MTCL1: variants seen among roughly 807,000 people sequenced by gnomAD.
MTCL1 encodes the protein microtubule crosslinking factor 1, also known as microtubule cross-linking factor 1.
Under a neutral mutation model 141.4 loss-of-function variants are expected in MTCL1, and 79 were observed. The observed-to-expected ratio is 0.56, with a 90% CI of 0.47 to 0.67. The LOEUF is 0.67. MTCL1 is among the 30% of genes least tolerant of loss of function. MTCL1 has a pLI of 0.00. For synonymous variants in MTCL1, 914 were observed against 875.8 expected (o/e 1.04, Z -0.77); for missense variants, 2,177 against 2,113.9 (o/e 1.03, Z -0.59).
chr18:8,830,798 G>T lies in MTCL1; in HGVS notation c.*19-809G>T. On this transcript the variant is annotated intron_variant, in intron 16 of 16. Coordinates refer to ENST00000359865, the Ensembl canonical transcript of MTCL1. This position sits in a 1 kb window ranked among gnomAD's most constrained non-coding sequence, Gnocchi z 6.4. ...AGCAAATTCCAAATTTGGGTGTCCT[G>T]GTTTTGTAACATGTAAGGACAAGGA... The T allele has an allele frequency of 1.0e-6, 1 of 985,326 alleles. No homozygotes were observed. Among genetic ancestry groups the T allele is most frequent in the Non-Finnish European group, 1.2e-6 (1 of 829,922 alleles). The allele number at this position is 985,326 out of a possible 1,614,324, so 61.0% of individuals were successfully genotyped here. A position where few individuals can be genotyped will look rare whatever the true frequency, so the allele number is the denominator to read the frequency against.
chr18:8,812,979 C>A, exon 12 of MTCL1: 1 of 1,607,690 alleles, frequency 6.2e-7, no homozygotes, highest in Admixed American at 1.7e-5. Flanking sequence ...TCCTTGACAG[C>A]TGGAAGAGAA....
At chr18:8,772,631 A>G (rs1475017915) in intron 4 of MTCL1, among the ~76,000 whole-genome samples, 2 of 150,724 alleles carry the variant, frequency 1.3e-5, no homozygotes, top group Admixed American at 6.6e-5. Flanking sequence ...AGTATTTAAT[A>G]TGTATGTTAA....
In MTCL1 at chr18:8,705,999, G is replaced by A. The variant is rs948015725; in HGVS notation, c.339G>A (p.Pro113=). Residue 113 remains proline, a synonymous_variant, in exon 1 of 14, where the codon CCG becomes CCA. Transcript: ENST00000306329. The surrounding 1 kb of genome is among the most constrained non-coding windows in gnomAD (Gnocchi z 5.2). ...CGGGCGCGAAGGACAAGCCCCCGCC[G>A]GGCGCCGGGGCCAGAGCGGCGGGCG... 1.2e-4 allele frequency: 135 copies of A among 1,152,560 alleles called. No individual in the cohort carries two copies. The Middle Eastern group carries it at 1.8e-3, about 15-fold the overall frequency. 71.4% of individuals were successfully genotyped at this position (1,152,560 alleles called of 1,614,324 possible).
intron 4 of MTCL1, among the ~76,000 whole-genome samples, chr18:8,729,568 G>C (rs2096239378): frequency 6.6e-6 from 1 of 151,270 alleles, no homozygotes. Flanking sequence ...GCACCCAGCT[G>C]ACTGTAGAAA....
intron 4 of MTCL1, among the ~76,000 whole-genome samples, chr18:8,774,983 A>G (rs1053252861): frequency 3.3e-5 from 5 of 152,248 alleles, no homozygotes; most frequent in African/African-American, 1.2e-4. Context: ...AGGGGTGGCT[A>G]GAAGAGTCCA....
chr18:8,782,089 A>G (rs866651763), intron 5 of MTCL1: 1 of 152,346 alleles, frequency 6.6e-6, no homozygotes, highest in Non-Finnish European at 1.5e-5. Flanking sequence ...CTTTCTGCCA[A>G]ATGATGAGTG....
intron 4 of MTCL1, among the ~76,000 whole-genome samples, chr18:8,746,098 A>G (rs1297119033): frequency 1.3e-5 from 2 of 152,192 alleles, no homozygotes; most frequent in Non-Finnish European, 2.9e-5. Context: ...AGGCTAAATA[A>G]TATTCTATGG....
intron 4 of MTCL1, among the ~76,000 whole-genome samples, chr18:8,737,096 A>G (rs765738044): frequency 5.3e-5 from 8 of 152,166 alleles, no homozygotes; most frequent in Non-Finnish European, 7.4e-5. Context: ...CAGTGTTCCT[A>G]TGAGCTGCAC....
intron 1 of MTCL1, among the ~76,000 whole-genome samples, chr18:8,708,739 C>T (rs1354137731): frequency 6.6e-6 from 1 of 152,236 alleles, no homozygotes; most frequent in Non-Finnish European, 1.5e-5. Context: ...ATGCCCGTCT[C>T]TCCACTAGCC....
At chr18:8,716,372 G>T (rs970225212), upstream of MTCL1, among the ~76,000 whole-genome samples, 1 of 152,126 alleles carries the variant, frequency 6.6e-6, no homozygotes, top group Non-Finnish European at 1.5e-5. Flanking sequence ...CTACATGCTG[G>T]ATTGGGGGAT....
At position 8,721,742 on chromosome 18, in the gene MTCL1, C is replaced by G. The variant is rs539076329; in HGVS notation, c.357+1246C>G. ...TGGGACATTATTTGTCTATTGTCAC[C>G]GCTCATCTGACAATGCTGTGTGTTT... is the stretch of plus-strand genomic sequence containing the variant. On this transcript the variant is annotated intron_variant, in intron 4 of 16. Transcript: ENST00000359865. 2.6e-3 allele frequency among the ~76,000 whole-genome samples: 402 copies of G among 152,316 alleles called. 4 individuals are homozygous for G. The highest frequency in any genetic ancestry group is 9.4e-3 in the African/African-American group (392 of 41,564).
rs549034562 is a variant in MTCL1, at chr18:8,807,080, C to T, written c.2604+20C>T. On this transcript the variant is annotated intron_variant, in intron 11 of 16. Transcript: ENST00000359865. ...GAACAGGTACCACCCTCCCAGGTCT[C>T]CCTCGATCCTGACTGTGTGTCTCTG... The T allele has an allele frequency of 6.7e-5, 108 of 1,604,106 alleles. No homozygotes were observed. The South Asian group carries it at 1.2e-3, about 17-fold the overall frequency.
At position 8,828,887 on chromosome 18, in the gene MTCL1, TTCTC is replaced by T. The variant is rs767473934; in HGVS notation, c.4723-19_4723-16del. On this transcript the variant is annotated splice_polypyrimidine_tract_variant and intron_variant, in intron 15 of 16. Coordinates refer to ENST00000359865, the Ensembl canonical transcript of MTCL1. The surrounding 1 kb of genome is among the most constrained non-coding windows in gnomAD (Gnocchi z 5.2). ...TCCAACCTTCTTGCTTTTCTTTTCT[TTCTC>T]TGTCTGTTCTGTCCAGAACCAAACT... is the stretch of plus-strand genomic sequence containing the variant. 2.5e-6 allele frequency: 4 copies of T among 1,614,096 alleles called. No individual in the cohort carries two copies. Among genetic ancestry groups the T allele is most frequent in the South Asian group, 2.2e-5 (2 of 91,088 alleles).
intron 15 of MTCL1, among the ~76,000 whole-genome samples, chr18:8,826,565 G>A (rs181707287): frequency 9.9e-5 from 15 of 152,244 alleles, no homozygotes; most frequent in Non-Finnish European, 1.3e-4. Context: ...GTGTGAATTC[G>A]TGCACATGTA....
chr18:8,763,359 C>T (rs1485067292), intron 4 of MTCL1, among the ~76,000 whole-genome samples: 2 of 152,260 alleles, frequency 1.3e-5, no homozygotes, highest in African/African-American at 4.8e-5. Flanking sequence ...AGGGTCCAAC[C>T]TGCTGTAGAA....
chr18:8,731,001 T>A (rs1305040522), intron 4 of MTCL1, among the ~76,000 whole-genome samples: 3 of 152,172 alleles, frequency 2.0e-5, no homozygotes, highest in African/African-American at 7.2e-5. Context: ...TCCCAGCACT[T>A]TGGGGAGGCC....
upstream of MTCL1, among the ~76,000 whole-genome samples, chr18:8,716,569 A>ATTTTTTTTTTTTTTTTTT (rs138840096): frequency 9.6e-6 from 1 of 103,896 alleles, no homozygotes; most frequent in African/African-American, 3.9e-5. Flanking sequence ...CTTTTTGTTC[A>ATTTTTTTTTTTTTTTTTT]TTTTTTTTTT....
intron 4 of MTCL1, among the ~76,000 whole-genome samples, chr18:8,754,558 TA>T (rs2096387766): frequency 6.6e-6 from 1 of 152,200 alleles, no homozygotes; most frequent in South Asian, 2.1e-4. Context: ...AAGTGCCTGG[TA>T]ATGAGATACC....
chr18:8,770,185 T>TC (rs1371316816), intron 4 of MTCL1, among the ~76,000 whole-genome samples: 6 of 152,188 alleles, frequency 3.9e-5, no homozygotes, highest in African/African-American at 1.2e-4. Context: ...GTGGCCCATC[T>TC]CCAAGTTTAG....
Sources: allele counts gnomAD v4.1 joint callset (sites outside exome capture counted in the v4.1 genomes callset), GRCh38; gene constraint gnomAD v4.1.1; non-coding constraint Gnocchi (gnomAD v3.1); transcripts MANE v1.5; gene names NCBI Gene and HGNC (gene_info 2026-07-23, HGNC 2026-07-21).